Variants in COL4A1 observed in about 807,000 individuals in gnomAD.
COL4A1 encodes collagen alpha-1(IV) chain.
Under a neutral mutation model 216.6 loss-of-function variants are expected in COL4A1, and 40 were observed. That is an observed-to-expected ratio of 0.18 (90% CI 0.14 to 0.24). COL4A1 has a LOEUF of 0.24. COL4A1 is among the 10% of genes least tolerant of loss of function. COL4A1 has a pLI of 1.00. For synonymous variants in COL4A1, 839 were observed against 810.7 expected, an observed-to-expected ratio of 1.03 and a Z score of -0.59; for missense variants, 1,628 against 2,196.8, an observed-to-expected ratio of 0.74 and a Z score of 5.18.
chr13:110,257,763 A>G (rs536950115), intron 1 of COL4A1, among the ~76,000 whole-genome samples: 6 of 152,392 alleles, frequency 3.9e-5, no homozygotes, highest in Non-Finnish European at 8.8e-5. Context: ...AGAGTTTACC[A>G]GCAACTCTTG....
Position 110,186,408 on chromosome 13 carries a change from C to G in COL4A1, c.1874G>C (p.Gly625Ala). Residue 625 changes from glycine (G) to alanine (A), a missense_variant, in exon 26 of 52, where the codon GGC (glycine) becomes GCC (alanine). Physicochemically the swap from Gly to Ala is moderately conservative, Grantham distance 60. Transcript: ENST00000375820. ...GDKGQAGFPG[G>A]PGSPGLPGPK... Reference sequence around the variant, plus strand: ...ACCTGGCAGGCCTGGGGATCCAGGGCCTCCAGGAAAGCCTGCTTGTCCTTT... The same window carrying G: ...ACCTGGCAGGCCTGGGGATCCAGGGGCTCCAGGAAAGCCTGCTTGTCCTTT... The G allele has an allele frequency of 6.2e-7, 1 of 1,613,462 alleles. No individual in the cohort carries two copies. The highest frequency in any genetic ancestry group is 8.5e-7 in the Non-Finnish European group (1 of 1,180,040).
At position 110,178,332 on chromosome 13, in the gene COL4A1, G is replaced by A; in HGVS notation, c.2459-101C>T. On this transcript the variant is annotated intron_variant, in intron 31 of 51. Transcript: ENST00000375820. ...CTATGACTTTCTGCAGAAAGCCCGT[G>A]AGCACGCCCACACTGGGAACTTGAA... is the stretch of plus-strand genomic sequence containing the variant. 3.4e-6 allele frequency: 5 copies of A among 1,449,406 alleles called. No individual in the cohort carries two copies. In the South Asian group the frequency reaches 5.9e-5, roughly 17 times the overall value. 89.8% of individuals were successfully genotyped at this position (1,449,406 alleles called of 1,614,324 possible).
chr13:110,181,139 C>T (rs1368550353), intron 29 of COL4A1, among the ~76,000 whole-genome samples, 153 bp downstream of exon 29: 1 of 152,212 alleles, frequency 6.6e-6, no homozygotes, highest in Non-Finnish European at 1.5e-5. Context: ...CCATGTGCTA[C>T]GTTCTCTGAT....
chr13:110,246,364 G>A (rs614786), intron 1 of COL4A1, among the ~76,000 whole-genome samples: 102,241 of 151,872 alleles, frequency 0.67, 34,834 homozygotes, highest in East Asian at 0.91. Context: ...AAAATACAAA[G>A]GATGACCTGA....
chr13:110,289,625 TAA>T (rs904418503), intron 1 of COL4A1, among the ~76,000 whole-genome samples: 2 of 152,180 alleles, frequency 1.3e-5, no homozygotes, highest in African/African-American at 4.8e-5. Flanking sequence ...ACAGAATATG[TAA>T]AGAGTTCAAC....
chr13:110,230,918 C>T (rs1302024676), intron 2 of COL4A1, among the ~76,000 whole-genome samples: 2 of 152,224 alleles, frequency 1.3e-5, no homozygotes, highest in African/African-American at 4.8e-5. Flanking sequence ...TTACCCAGGG[C>T]CTCTACATTC....
chr13:110,219,736 A>G (rs1280363533), intron 2 of COL4A1, among the ~76,000 whole-genome samples: 8 of 132,676 alleles, frequency 6.0e-5, no homozygotes, highest in South Asian at 2.4e-4. Flanking sequence ...GTGTATATAT[A>G]TGTATATACA....
chr13:110,258,517 G>T (rs1436324059), intron 1 of COL4A1, among the ~76,000 whole-genome samples: 1 of 152,050 alleles, frequency 6.6e-6, no homozygotes, highest in Non-Finnish European at 1.5e-5. Context: ...ACCAGCCTGG[G>T]TGACAGAGTG....
intron 51 of COL4A1, among the ~76,000 whole-genome samples, chr13:110,151,716 G>A (rs112958495): frequency 1.1e-4 from 16 of 152,274 alleles, no homozygotes; most frequent in Middle Eastern, 3.4e-3. Context: ...GCTGGGGCTC[G>A]GGATAGAGGG....
intron 26 of COL4A1, among the ~76,000 whole-genome samples, chr13:110,185,506 T>C (rs575652249): frequency 6.6e-6 from 1 of 152,318 alleles, no homozygotes; most frequent in African/African-American, 2.4e-5. Context: ...TTAATCACCT[T>C]AAGTCCTTTC....
At chr13:110,283,617 C>T (rs1355440788) in intron 1 of COL4A1, among the ~76,000 whole-genome samples, 2 of 152,184 alleles carry the variant, frequency 1.3e-5, no homozygotes, top group Non-Finnish European at 2.9e-5. Flanking sequence ...CACATATGAA[C>T]ACAATGCACA....
chr13:110,159,402 G>A (rs1029866715), intron 49 of COL4A1, among the ~76,000 whole-genome samples: 2 of 152,140 alleles, frequency 1.3e-5, no homozygotes, highest in Non-Finnish European at 2.9e-5. Context: ...CGATTTCATA[G>A]GGGCCCCCTC....
chr13:110,164,436 A>T (rs16975429), intron 46 of COL4A1, among the ~76,000 whole-genome samples: 1,775 of 152,282 alleles, frequency 0.012, 63 homozygotes, highest in East Asian at 0.077. Flanking sequence ...AGACTATGTT[A>T]GGGTTTCAGG....
In COL4A1 at chr13:110,213,935, T is replaced by A. The variant is rs761146077; in HGVS notation, c.225A>T (p.Pro75=). ...CCACAGCCGTGCTTACCTTTTGTCCTGGTGGTCCCTGTGGCCCCTCAGGTC... is the reference window on the plus strand; with the variant it reads ...CCACAGCCGTGCTTACCTTTTGTCCAGGTGGTCCCTGTGGCCCCTCAGGTC... ...MQGPEGPQGP[P]GQKGDTGEPG... Residue 75 remains proline (P), a synonymous_variant, in exon 3 of 52, where the codon CCA becomes CCT. Coordinates refer to ENST00000375820, the MANE Select transcript of COL4A1 (RefSeq NM_001845.6). The A allele has an allele frequency of 6.2e-7, 1 of 1,614,088 alleles. No homozygotes were observed. The highest frequency in any genetic ancestry group is 1.1e-5 in the South Asian group (1 of 91,066).
At chr13:110,205,644 C>T (rs912746417) in intron 15 of COL4A1, 106 bp from the exon 16 acceptor site, 59 of 1,248,284 alleles carry the variant, frequency 4.7e-5, no homozygotes, top group Non-Finnish European at 6.4e-5. Flanking sequence ...GGGTGGATCA[C>T]CTGAGGTCAG....
At chr13:110,152,627 T>C in intron 50 of COL4A1, 121 bp from the exon 51 acceptor site, 2 of 1,174,584 alleles carry the variant, frequency 1.7e-6, no homozygotes, top group Non-Finnish European at 2.4e-6. Context: ...TGCAGCCTCA[T>C]GTGGTCACCA....
chr13:110,176,871 C>A lies in COL4A1; in HGVS notation c.2869+14G>T, dbSNP rs370740558. On this transcript the variant is annotated intron_variant, in intron 34 of 51. Coordinates refer to ENST00000375820, the MANE Select transcript of COL4A1 (RefSeq NM_001845.6). The stretch of plus-strand genomic sequence containing the variant: ...TGGTTCCGAGCTTGGCCATGAGAAG[C>A]CTCCTGGACTTGCCTTTCTCTCCTT... 4 of 1,614,190 alleles carry A rather than the reference C, an allele frequency of 2.5e-6. No individual in the cohort carries two copies. Among genetic ancestry groups the A allele is most frequent in the African/African-American group, 1.3e-5 (1 of 75,060 alleles).
In COL4A1 at chr13:110,176,712, G is replaced by A. The variant is rs773783727; in HGVS notation, c.2882C>T (p.Pro961Leu). 6.2e-7 allele frequency: 1 copy of A among 1,614,020 alleles called. No homozygotes were observed. Among genetic ancestry groups the A allele is most frequent in the African/African-American group, 1.3e-5 (1 of 75,022 alleles). ...GDQGEKGQIGPIGEKGSRGDP... is the reference protein window; with the variant it reads ...GDQGEKGQIGLIGEKGSRGDP... ...TCCTCGGGATCCCTTCTCACCAATT[G>A]GTCCAATTTGTCCTACACATCAGAG... Residue 961 changes from proline (P) to leucine (L), a missense_variant, in exon 35 of 52, where the codon CCA becomes CTA. Physicochemically the swap from Pro to Leu is moderately conservative, Grantham distance 98. Coordinates refer to ENST00000375820, the MANE Select transcript of COL4A1 (RefSeq NM_001845.6).
intron 1 of COL4A1, among the ~76,000 whole-genome samples, chr13:110,269,263 C>G (rs569313633): frequency 6.6e-6 from 1 of 152,064 alleles, no homozygotes; most frequent in African/African-American, 2.4e-5. Flanking sequence ...GTTAAAACAC[C>G]CTTGTTTATG....
Sources: gnomAD v4.1 joint callset for allele counts (sites outside exome capture counted in the v4.1 genomes callset) on GRCh38, gnomAD v4.1.1 for gene constraint, MANE v1.5 for transcripts, NCBI Gene and HGNC (gene_info 2026-07-23, HGNC 2026-07-21) for gene names.